Variants in PACS2 observed in about 807,000 individuals in gnomAD.
PACS2 encodes the protein phosphofurin acidic cluster sorting protein 2.
In PACS2, 36 loss-of-function variants were observed where a neutral mutation model predicts 113.0. The observed-to-expected ratio is 0.32, with a 90% CI of 0.24 to 0.42. The LOEUF (loss-of-function observed/expected upper bound fraction) is 0.42, where lower values mean the gene tolerates loss of function less well. PACS2 is among the 10% of genes least tolerant of loss of function. The pLI is 1.00. For synonymous variants in PACS2, 589 were observed against 536.1 expected (o/e 1.10, Z -1.36); for missense variants, 1,015 against 1,239.5 (o/e 0.82, Z 2.72).
At chr14:105,327,895 C>T (rs1237401132) in intron 1 of PACS2, among the ~76,000 whole-genome samples, 1 of 151,910 alleles carries the variant, frequency 6.6e-6, no homozygotes, top group Non-Finnish European at 1.5e-5. Context: ...CTTGGCTCAC[C>T]GGCCCAGGCC....
At position 105,391,739 on chromosome 14, in the gene PACS2, C is replaced by A; in HGVS notation, c.2228C>A (p.Ser743Ter). The A allele has an allele frequency of 1.9e-6, 3 of 1,596,038 alleles. No individual in the cohort carries two copies. Among genetic ancestry groups the A allele is most frequent in the Non-Finnish European group, 1.7e-6 (2 of 1,172,112 alleles). The change falls in exon 22 of 25, where the codon TCG becomes TAG. Residue 743 changes from serine (S) to a stop codon, truncating the protein, a stop_gained. Transcript: ENST00000447393. LOFTEE classifies it high-confidence loss of function. ...TCACCCACCCCGCCCTCCTCCCCGT[C>A]GGTGAGCGGAGGCCTGTCCTCCCCC... ...EASPTPPSSP[S>*]VSGGLSSPSQ... is the part of the protein sequence containing the mutation.
At chr14:105,373,147 A>G (rs782494533) in intron 8 of PACS2, among the ~76,000 whole-genome samples, 4 of 152,252 alleles carry the variant, frequency 2.6e-5, no homozygotes, top group Non-Finnish European at 4.4e-5. Flanking sequence ...TAAGGTGGCA[A>G]TAATCCCTAA....
At position 105,376,795 on chromosome 14, in the gene PACS2, G is replaced by C; in HGVS notation, c.829G>C (p.Glu277Gln). The C allele has an allele frequency of 6.2e-7, 1 of 1,613,122 alleles. No individual in the cohort carries two copies. Among genetic ancestry groups the C allele is most frequent in the African/African-American group, 1.3e-5 (1 of 75,042 alleles). Residue 277 changes from glutamate to glutamine, a missense_variant, in exon 9 of 25, where the codon GAG becomes CAG. This residue lies in a region of PACS2 where 859 missense variants were observed against 1,056.8 expected (regional missense o/e 0.81). Coordinates refer to ENST00000447393, the MANE Select transcript of PACS2 (RefSeq NM_001100913.3). This position sits in a 1 kb window ranked among gnomAD's most constrained non-coding sequence, Gnocchi z 4.7. ...EVLDSEQDPA[E>Q]HIPEAEEDLD... ...CCTGGACTCGGAGCAGGACCCTGCGGAGCACATCCCCGAGGCAGAGGAGGA... is the reference window on the plus strand; with the variant it reads ...CCTGGACTCGGAGCAGGACCCTGCGCAGCACATCCCCGAGGCAGAGGAGGA...
At chr14:105,334,232 G>A (rs1370528130) in intron 1 of PACS2, among the ~76,000 whole-genome samples, 1 of 152,254 alleles carries the variant, frequency 6.6e-6, no homozygotes, top group African/African-American at 2.4e-5. Context: ...CCAGGGCCAA[G>A]GGAGTGGGCC....
At chr14:105,328,586 A>G (rs747258070) in intron 1 of PACS2, among the ~76,000 whole-genome samples, 1 of 152,174 alleles carries the variant, frequency 6.6e-6, no homozygotes, top group Admixed American at 6.5e-5. Flanking sequence ...CACAAGTGCC[A>G]CGCACTTGCT....
Position 105,348,590 on chromosome 14 carries a change from C to T in PACS2, c.207+10C>T. ...CGCTGTCAAGATGCAGGTGAGGCCGCTTGTGACCCCGGCTGTGGCTGGGTG... is the reference window on the plus strand; with the variant it reads ...CGCTGTCAAGATGCAGGTGAGGCCGTTTGTGACCCCGGCTGTGGCTGGGTG... On this transcript the variant is annotated intron_variant, in intron 2 of 24. Coordinates refer to ENST00000447393, the MANE Select transcript of PACS2 (RefSeq NM_001100913.3). The surrounding 1 kb of genome is among the most constrained non-coding windows in gnomAD (Gnocchi z 6.4). The T allele has an allele frequency of 6.3e-7, 1 of 1,596,278 alleles. No homozygotes were observed. Among genetic ancestry groups the T allele is most frequent in the Non-Finnish European group, 8.6e-7 (1 of 1,165,926 alleles).
chr14:105,383,723 A>C, intron 16 of PACS2: 1 of 549,612 alleles, frequency 1.8e-6, no homozygotes, highest in Admixed American at 3.6e-5. Flanking sequence ...CACTTTGTTA[A>C]TTTTAATTAT....
intron 18 of PACS2, 77 bp downstream of exon 18, chr14:105,385,064 CTGGGCTTGGCCTGG>C (rs1555413266): frequency 1.1e-6 from 1 of 944,786 alleles, no homozygotes; most frequent in Non-Finnish European, 1.7e-6. Context: ...CCACCCGCTG[CTGGGCTTGGCCTGG>C]TGGGCCGCAG....
chr14:105,324,969 G>A lies in PACS2; in HGVS notation c.119+9932G>A, dbSNP rs915451187. Among the ~76,000 whole-genome samples the A allele has an allele frequency of 1.6e-4, 24 of 151,958 alleles. No individual in the cohort carries two copies. ...TGCCCTTCCTGCTGGGGGTGCACAC[G>A]GGCCTGGGGCTGAGCAACCCGCTCT... On this transcript the variant is annotated intron_variant, in intron 1 of 24. Transcript: ENST00000447393. This position sits in a 1 kb window ranked among gnomAD's most constrained non-coding sequence, Gnocchi z 4.7.
At chr14:105,369,201 G>T (rs2061059717) in intron 7 of PACS2, among the ~76,000 whole-genome samples, 1 of 152,268 alleles carries the variant, frequency 6.6e-6, no homozygotes, top group South Asian at 2.1e-4. Context: ...CGGTGCCAGG[G>T]ACGGGCAAGC....
chr14:105,313,784 A>G (rs1595533330), upstream of PACS2, among the ~76,000 whole-genome samples: 1 of 152,190 alleles, frequency 6.6e-6, no homozygotes, highest in Non-Finnish European at 1.5e-5. Context: ...AGGCCAGAAA[A>G]CCGTTTCCTA....
At chr14:105,328,906 T>G (rs1415409687) in intron 1 of PACS2, among the ~76,000 whole-genome samples, 1 of 152,212 alleles carries the variant, frequency 6.6e-6, no homozygotes, top group Non-Finnish European at 1.5e-5. Flanking sequence ...GCACCTCTTT[T>G]GCATATTATT....
chr14:105,316,854 T>C (rs1346091367), intron 1 of PACS2, among the ~76,000 whole-genome samples: 1 of 151,626 alleles, frequency 6.6e-6, no homozygotes, highest in Non-Finnish European at 1.5e-5. Context: ...CAGGATTTGT[T>C]CTGTTGGTGT....
intron 5 of PACS2, 107 bp from the exon 6 acceptor site, chr14:105,367,967 C>A: frequency 1.3e-6 from 1 of 756,950 alleles, no homozygotes; most frequent in Non-Finnish European, 2.4e-6. Context: ...ATGGATCCAC[C>A]TCCTCGCTGC....
rs587725398 is a variant in PACS2, at chr14:105,303,336, C to T, written c.-83+2357C>T. On this transcript the variant is annotated intron_variant, in intron 1 of 23. Coordinates refer to the PACS2 transcript ENST00000430725. ...TTGGCTCACTGTAACCTCCACCTCCCGGGTTCATGCCATTCTCCTGCCTCA... is the reference window on the plus strand; with the variant it reads ...TTGGCTCACTGTAACCTCCACCTCCTGGGTTCATGCCATTCTCCTGCCTCA... Among the ~76,000 whole-genome samples the T allele has an allele frequency of 6.6e-5, 10 of 152,272 alleles. No individual in the cohort carries two copies. The South Asian group carries it at 1.2e-3, about 19-fold the overall frequency.
chr14:105,391,198 G>A lies in PACS2; in HGVS notation c.2077-9G>A. On this transcript the variant is annotated splice_polypyrimidine_tract_variant and intron_variant, in intron 20 of 24. Transcript: ENST00000447393. The stretch of plus-strand genomic sequence containing the variant: ...CGGCTTTCACCAGCCAGTGCCTGTT[G>A]TTTTCTAGGTTGTGAAGGTTGGAAT... 1.2e-6 allele frequency: 2 copies of A among 1,612,110 alleles called. No homozygotes were observed. The highest frequency in any genetic ancestry group is 1.7e-6 in the Non-Finnish European group (2 of 1,178,442).
rs2059025019 is a variant in PACS2, at chr14:105,324,624, G to T, written c.119+9587G>T. 6.6e-6 allele frequency among the ~76,000 whole-genome samples: 1 copy of T among 152,228 alleles called. No individual in the cohort carries two copies. The highest frequency in any genetic ancestry group is 6.5e-5 in the Admixed American group (1 of 15,286). ...TGCTCAGCTCAGGCCGACTTAGCAG[G>T]GTTGTGAGAGTGATGAGAGCGTGGC... On this transcript the variant is annotated intron_variant, in intron 1 of 24. Transcript: ENST00000447393. This position sits in a 1 kb window ranked among gnomAD's most constrained non-coding sequence, Gnocchi z 4.7.
At chr14:105,344,847 C>T (rs1595634470) in intron 1 of PACS2, among the ~76,000 whole-genome samples, 1 of 149,466 alleles carries the variant, frequency 6.7e-6, no homozygotes, top group Non-Finnish European at 1.5e-5. Context: ...GCGCAGTGGC[C>T]CAGTAATCCC....
In PACS2 at chr14:105,315,149, G is replaced by T. The variant is rs989218084; in HGVS notation, c.119+112G>T. 1.8e-6 allele frequency: 1 copy of T among 556,960 alleles called. No individual in the cohort carries two copies. Among genetic ancestry groups the T allele is most frequent in the Admixed American group, 6.2e-5 (1 of 16,232 alleles). 34.5% of individuals were successfully genotyped at this position (556,960 alleles called of 1,614,324 possible). ...CGGGTCCCCCAGCGGAGCCCAGGTC[G>T]CCCCCCGCGCCCCCGCCCGCCGGTT... On this transcript the variant is annotated intron_variant, in intron 1 of 24. Transcript: ENST00000447393. The surrounding 1 kb of genome is among the most constrained non-coding windows in gnomAD (Gnocchi z 4.4).
Sources: gnomAD v4.1 joint callset for allele counts (sites outside exome capture counted in the v4.1 genomes callset) on GRCh38, gnomAD v4.1.1 for gene constraint, gnomAD v4.1.1 regional missense constraint, Gnocchi (gnomAD v3.1) non-coding constraint, MANE v1.5 for transcripts, NCBI Gene and HGNC (gene_info 2026-07-23, HGNC 2026-07-21) for gene names.